SGCZ: variants seen among roughly 807,000 people sequenced by gnomAD.
The protein encoded by SGCZ is sarcoglycan zeta, also known as zeta-sarcoglycan.
In SGCZ, 40 loss-of-function variants were observed where a neutral mutation model predicts 41.3. The ratio of observed to expected loss-of-function variants is 0.97; its 90% CI spans 0.75 to 1.26. The LOEUF (loss-of-function observed/expected upper bound fraction) is 1.26. SGCZ is among the 50% of genes most tolerant of loss of function. The pLI, the probability that SGCZ is intolerant of heterozygous loss-of-function variation, is 0.00. For missense variants in SGCZ, 552 were observed against 369.8 expected (o/e 1.49, Z -4.04); for synonymous variants, 206 against 137.5 (o/e 1.50, Z -3.49).
chr8:15,061,911 C>T (rs1804951982), intron 1 of SGCZ, among the ~76,000 whole-genome samples: 1 of 152,188 alleles, frequency 6.6e-6, no homozygotes, highest in South Asian at 2.1e-4. Context: ...TATTTTCATC[C>T]TCCAGGTTTG....
At chr8:14,548,188 C>G (rs1018893511) in intron 2 of SGCZ, among the ~76,000 whole-genome samples, 1 of 152,016 alleles carries the variant, frequency 6.6e-6, no homozygotes, top group Non-Finnish European at 1.5e-5. Flanking sequence ...ATAACTTGCA[C>G]GAGGTAATAG....
intron 1 of SGCZ, among the ~76,000 whole-genome samples, chr8:14,666,836 A>G (rs1807926337): frequency 6.6e-6 from 1 of 152,118 alleles, no homozygotes; most frequent in South Asian, 2.1e-4. Context: ...GGAGTGAGGT[A>G]GTAACTCTCC....
intron 1 of SGCZ, among the ~76,000 whole-genome samples, chr8:14,611,070 A>T (rs1157466464): frequency 7.2e-5 from 11 of 152,032 alleles, no homozygotes. Context: ...AGATAGTAAA[A>T]TAATAATAAT....
At chr8:14,333,691 C>G (rs1411794768) in intron 2 of SGCZ, among the ~76,000 whole-genome samples, 1 of 152,080 alleles carries the variant, frequency 6.6e-6, no homozygotes, top group South Asian at 2.1e-4. Flanking sequence ...TGGGTCCTCC[C>G]CTCACATAAC....
chr8:14,532,579 C>G (rs956326954), intron 2 of SGCZ, among the ~76,000 whole-genome samples: 1 of 151,564 alleles, frequency 6.6e-6, no homozygotes, highest in Non-Finnish European at 1.5e-5. Flanking sequence ...GAATAGCATT[C>G]CCTTCCTAGA....
chr8:14,862,691 T>C (rs1803796984), intron 1 of SGCZ, among the ~76,000 whole-genome samples: 1 of 150,910 alleles, frequency 6.6e-6, no homozygotes, highest in African/African-American at 2.4e-5. Flanking sequence ...GCTGCAGAAA[T>C]GATTATAATT....
intron 1 of SGCZ, among the ~76,000 whole-genome samples, chr8:14,675,748 T>A (rs893883969): frequency 5.9e-5 from 9 of 152,162 alleles, no homozygotes; most frequent in Non-Finnish European, 1.2e-4. Flanking sequence ...TAAAATATCA[T>A]CTTTTCAGGG....
intron 2 of SGCZ, among the ~76,000 whole-genome samples, chr8:14,491,215 C>T (rs893379348): frequency 6.6e-6 from 1 of 152,244 alleles, no homozygotes; most frequent in Admixed American, 6.5e-5. Flanking sequence ...TCCTCCAAAG[C>T]CCTAATGGCG....
At chr8:14,338,472 C>T (rs535446490) in intron 2 of SGCZ, among the ~76,000 whole-genome samples, 2 of 152,238 alleles carry the variant, frequency 1.3e-5, no homozygotes, top group Admixed American at 6.5e-5. Flanking sequence ...CATTCTAGCT[C>T]CCAATATCCT....
intron 1 of SGCZ, among the ~76,000 whole-genome samples, chr8:14,712,217 G>C (rs1453804140): frequency 6.6e-6 from 1 of 152,048 alleles, no homozygotes; most frequent in Non-Finnish European, 1.5e-5. Context: ...TCTTGCTTTT[G>C]AGAATACCTT....
chr8:14,158,111 TC>T (rs1390181784), intron 5 of SGCZ, among the ~76,000 whole-genome samples: 7 of 152,090 alleles, frequency 4.6e-5, no homozygotes, highest in African/African-American at 1.7e-4. Flanking sequence ...TTTTTTTTTT[TC>T]CTCATCAAAA....
At chr8:14,814,249 G>A (rs1002708154) in intron 1 of SGCZ, among the ~76,000 whole-genome samples, 2 of 152,062 alleles carry the variant, frequency 1.3e-5, no homozygotes, top group African/African-American at 4.8e-5. Flanking sequence ...AAGCCTTAGG[G>A]GACCTGACTA....
chr8:14,368,259 A>G (rs959592638), intron 2 of SGCZ, among the ~76,000 whole-genome samples: 8 of 152,052 alleles, frequency 5.3e-5, no homozygotes, highest in East Asian at 1.9e-4. Flanking sequence ...GTTATAATTC[A>G]TATGTTCTAA....
At chr8:14,720,288 C>T (rs1473099387) in intron 1 of SGCZ, among the ~76,000 whole-genome samples, 3 of 152,004 alleles carry the variant, frequency 2.0e-5, no homozygotes, top group Non-Finnish European at 2.9e-5. Flanking sequence ...CAGTTTGCTT[C>T]TCCTTTTCTA....
intron 1 of SGCZ, among the ~76,000 whole-genome samples, chr8:14,735,106 A>G (rs1333569123): frequency 1.3e-5 from 2 of 152,182 alleles, no homozygotes; most frequent in Non-Finnish European, 2.9e-5. Flanking sequence ...AAAAGACGGT[A>G]GCACATAAAA....
intron 1 of SGCZ, among the ~76,000 whole-genome samples, chr8:14,871,682 T>C (rs1585336011): frequency 6.6e-6 from 1 of 151,968 alleles, no homozygotes; most frequent in East Asian, 2.0e-4. Context: ...CATGCACCTG[T>C]AGTCCCAGCT....
At chr8:15,124,753 G>A (rs1301658239) in intron 1 of SGCZ, among the ~76,000 whole-genome samples, 1 of 151,952 alleles carries the variant, frequency 6.6e-6, no homozygotes, top group Non-Finnish European at 1.5e-5. Flanking sequence ...TGCCAAAGGG[G>A]GAACATAAGA....
chr8:14,584,537 T>C (rs922004861), intron 1 of SGCZ, among the ~76,000 whole-genome samples: 10 of 152,198 alleles, frequency 6.6e-5, no homozygotes, highest in African/African-American at 2.4e-4. Flanking sequence ...GGGAGACAGA[T>C]GAGAAACGTG....
intron 1 of SGCZ, among the ~76,000 whole-genome samples, chr8:15,012,156 T>C (rs1802846255): frequency 6.6e-6 from 1 of 152,060 alleles, no homozygotes; most frequent in Non-Finnish European, 1.5e-5. Context: ...ATCCAACAGG[T>C]GAAGGTATAA....
Sources: gnomAD v4.1 joint callset for allele counts (sites outside exome capture counted in the v4.1 genomes callset) on GRCh38, gnomAD v4.1.1 for gene constraint, MANE v1.5 for transcripts, NCBI Gene and HGNC (gene_info 2026-07-23, HGNC 2026-07-21) for gene names.